The following PPP1R9A variants were observed in gnomAD, a reference collection of about 807,000 sequenced individuals.
The protein encoded by PPP1R9A is neurabin-1.
PPP1R9A carries 59 observed loss-of-function variants against 141.9 expected under a neutral mutation model. That is an observed-to-expected ratio of 0.42 (90% CI 0.34 to 0.52). The LOEUF (loss-of-function observed/expected upper bound fraction) is 0.52, where lower values mean the gene tolerates loss of function less well. Ranked by LOEUF, PPP1R9A falls within the 20% of genes least tolerant of loss-of-function variation. The probability of loss-of-function intolerance (pLI) is 0.10; values close to 1 mark genes in which losing one functional copy is unlikely to be tolerated. For missense variants in PPP1R9A, 1,444 were observed against 1,611.9 expected (o/e 0.90, Z 1.78); for synonymous variants, 500 against 569.7 (o/e 0.88, Z 1.74).
At chr7:95,239,680 C>A (rs1428746356) in intron 8 of PPP1R9A, among the ~76,000 whole-genome samples, 1 of 151,686 alleles carries the variant, frequency 6.6e-6, no homozygotes, top group Admixed American at 6.6e-5. Flanking sequence ...TTATTTTATG[C>A]TATATGTTTC....
At chr7:95,061,822 A>G (rs77081336) in intron 2 of PPP1R9A, among the ~76,000 whole-genome samples, 3,468 of 152,304 alleles carry the variant, frequency 0.023, 142 homozygotes, top group African/African-American at 0.079. Flanking sequence ...AAGATACAAT[A>G]AAACTTTATT....
intron 4 of PPP1R9A, among the ~76,000 whole-genome samples, chr7:95,143,873 G>C: frequency 6.6e-6 from 1 of 150,774 alleles, no homozygotes; most frequent in South Asian, 2.1e-4. Flanking sequence ...CAGGCTTATT[G>C]AAGTATAATT....
chr7:95,146,438 C>CAGG (rs1584940858), intron 4 of PPP1R9A, among the ~76,000 whole-genome samples: 1 of 152,144 alleles, frequency 6.6e-6, no homozygotes, highest in East Asian at 1.9e-4. Flanking sequence ...TTCTCCCATT[C>CAGG]TGTAGGTTGC....
chr7:95,141,327 T>A (rs1460213998), intron 4 of PPP1R9A, among the ~76,000 whole-genome samples: 1 of 152,216 alleles, frequency 6.6e-6, no homozygotes, highest in Admixed American at 6.5e-5. Context: ...CTCTAAGATT[T>A]ATTTTTTTAC....
chr7:95,056,454 G>A (rs778685118), intron 2 of PPP1R9A, among the ~76,000 whole-genome samples: 2 of 152,088 alleles, frequency 1.3e-5, no homozygotes, highest in Admixed American at 6.6e-5. Flanking sequence ...ATTTTTTCTT[G>A]TAGTACTGGT....
chr7:94,955,384 G>A (rs1478538504), intron 2 of PPP1R9A, among the ~76,000 whole-genome samples: 1 of 152,008 alleles, frequency 6.6e-6, no homozygotes. Flanking sequence ...CTCCTATACT[G>A]TTCTTGCGAC....
At chr7:95,046,640 G>T (rs1810054016) in intron 2 of PPP1R9A, among the ~76,000 whole-genome samples, 1 of 152,166 alleles carries the variant, frequency 6.6e-6, no homozygotes, top group Non-Finnish European at 1.5e-5. Context: ...GTAATACTTG[G>T]ATTGAGCCCA....
chr7:95,044,799 C>G (rs1418479579), intron 2 of PPP1R9A, among the ~76,000 whole-genome samples: 1 of 150,706 alleles, frequency 6.6e-6, no homozygotes, highest in African/African-American at 2.4e-5. Flanking sequence ...TCTGGAATGC[C>G]TGCGCTCAAG....
chr7:95,030,049 T>C (rs1306950385), intron 2 of PPP1R9A, among the ~76,000 whole-genome samples: 1 of 152,182 alleles, frequency 6.6e-6, no homozygotes, highest in Admixed American at 6.6e-5. Flanking sequence ...CATCGCTAAC[T>C]CTATTTTAGC....
At chr7:95,107,511 A>G (rs1184368668) in intron 2 of PPP1R9A, among the ~76,000 whole-genome samples, 6 of 152,022 alleles carry the variant, frequency 3.9e-5, no homozygotes, top group South Asian at 2.1e-4. Context: ...TTATATATGT[A>G]TATATTTTTG....
At chr7:95,167,342 C>T (rs1197768708) in intron 5 of PPP1R9A, among the ~76,000 whole-genome samples, 1 of 152,044 alleles carries the variant, frequency 6.6e-6, no homozygotes, top group Non-Finnish European at 1.5e-5. Context: ...GAATTGTGGG[C>T]GTAACAATTG....
Position 95,013,295 on chromosome 7 carries a change from C to T in PPP1R9A, c.1396-97964C>T, listed in dbSNP as rs1804679961. Among the ~76,000 whole-genome samples the T allele has an allele frequency of 2.0e-5, 3 of 152,102 alleles. No homozygotes were observed. In the South Asian group the frequency reaches 6.2e-4, roughly 32 times the overall value. On this transcript the variant is annotated intron_variant, in intron 2 of 19. Transcript: ENST00000433360. ...AATATAATTCCTAGACATTCATAACCTTAATTCAGTATGGTAAAGTTTAGT... is the reference window on the plus strand; with the variant it reads ...AATATAATTCCTAGACATTCATAACTTTAATTCAGTATGGTAAAGTTTAGT...
At chr7:95,077,563 A>C (rs1413131928) in intron 2 of PPP1R9A, among the ~76,000 whole-genome samples, 1 of 152,314 alleles carries the variant, frequency 6.6e-6, no homozygotes, top group East Asian at 1.9e-4. Context: ...AGGAAAAAAT[A>C]ATTTTTCCTA....
At chr7:94,922,462 A>G (rs572936225) in intron 2 of PPP1R9A, among the ~76,000 whole-genome samples, 7 of 152,274 alleles carry the variant, frequency 4.6e-5, no homozygotes, top group Non-Finnish European at 1.0e-4. Context: ...AGTAAAGACT[A>G]CATCAATGTG....
At chr7:95,027,774 A>T (rs1280149816) in intron 2 of PPP1R9A, among the ~76,000 whole-genome samples, 3 of 152,152 alleles carry the variant, frequency 2.0e-5, no homozygotes, top group African/African-American at 7.2e-5. Context: ...TTGTATCACG[A>T]TGGTAAGTAT....
In PPP1R9A at chr7:95,290,668, G is replaced by A. The variant is rs753700366; in HGVS notation, c.*365G>A. ...CACACCCTGGTGTTGTTAATGGAGC[G>A]CCGTGAATTTTCAGTGTGGGATCCT... is the stretch of plus-strand genomic sequence containing the variant. On this transcript the variant is annotated 3_prime_UTR_variant, in exon 20 of 20. Coordinates refer to ENST00000433360, the MANE Select transcript of PPP1R9A (RefSeq NM_001166160.2). 9 of 213,882 alleles carry A rather than the reference G, an allele frequency of 4.2e-5. No homozygotes were observed. The South Asian group carries it at 5.2e-4, about 12-fold the overall frequency. The allele number at this position is 213,882 out of a possible 1,614,324, so 13.2% of individuals were successfully genotyped here. A position where few individuals can be genotyped will look rare whatever the true frequency, so the allele number is the denominator to read the frequency against.
chr7:94,942,193 T>C (rs957397856), intron 2 of PPP1R9A, among the ~76,000 whole-genome samples: 1 of 152,076 alleles, frequency 6.6e-6, no homozygotes, highest in Admixed American at 6.5e-5. Flanking sequence ...GGCCTGTCAC[T>C]CAGAAGCCAT....
intron 5 of PPP1R9A, among the ~76,000 whole-genome samples, chr7:95,186,123 T>A (rs1173598218): frequency 6.6e-6 from 1 of 152,144 alleles, no homozygotes; most frequent in African/African-American, 2.4e-5. Context: ...GGCAGTGTGG[T>A]CATTTTCACA....
chr7:94,928,994 T>C (rs1428511006), intron 2 of PPP1R9A, among the ~76,000 whole-genome samples: 1 of 152,158 alleles, frequency 6.6e-6, no homozygotes, highest in Non-Finnish European at 1.5e-5. Context: ...AGACCTAAGC[T>C]CAAAGTAAAG....
Sources: gnomAD v4.1 joint callset for allele counts (sites outside exome capture counted in the v4.1 genomes callset) on GRCh38, gnomAD v4.1.1 for gene constraint, MANE v1.5 for transcripts, NCBI Gene and HGNC (gene_info 2026-07-23, HGNC 2026-07-21) for gene names.